Variants in MAP3K20 observed in about 807,000 individuals in gnomAD.
The protein encoded by MAP3K20 is HCCS-4.
A neutral mutation model predicts 85.7 loss-of-function variants in MAP3K20; 40 were observed. The observed-to-expected ratio is 0.47, with a 90% CI of 0.36 to 0.61. MAP3K20 has a LOEUF of 0.61. MAP3K20 is among the 20% of genes least tolerant of loss of function. The pLI is 0.00. For synonymous variants in MAP3K20, 325 were observed against 327.7 expected, an observed-to-expected ratio of 0.99 and a Z score of 0.09; for missense variants, 817 against 961.7, an observed-to-expected ratio of 0.85 and a Z score of 1.99.
At chr2:173,138,216 G>T (rs150060879) in intron 2 of MAP3K20, among the ~76,000 whole-genome samples, 4,976 of 152,130 alleles carry the variant, frequency 0.033, 115 homozygotes, top group Admixed American at 0.054. Flanking sequence ...TGTTTCGCCC[G>T]CCTCGGCCTC....
At chr2:173,094,940 A>G (rs1394353267) in intron 2 of MAP3K20, among the ~76,000 whole-genome samples, 1 of 152,242 alleles carries the variant, frequency 6.6e-6, no homozygotes, top group Admixed American at 6.5e-5. Context: ...AACATTTACT[A>G]ATGTTTTTAG....
Position 173,179,755 on chromosome 2 carries a change from TAACA to T in MAP3K20, c.248-3094_248-3091del, listed in dbSNP as rs1690272045. On this transcript the variant is annotated intron_variant, in intron 3 of 19. Coordinates refer to ENST00000375213, the MANE Select transcript of MAP3K20 (RefSeq NM_016653.3). ...ACACACACACAAAAGCTACTAAAAC[TAACA>T]AACATGTTTAGAAGGGTCACAGGAT... Among the ~76,000 whole-genome samples, 5 of 146,914 alleles carry T rather than the reference TAACA, an allele frequency of 3.4e-5. No homozygotes were observed. The South Asian group carries it at 8.5e-4, about 25-fold the overall frequency.
At chr2:173,085,748 T>G (rs1167287458) in intron 1 of MAP3K20, among the ~76,000 whole-genome samples, 3 of 151,056 alleles carry the variant, frequency 2.0e-5, no homozygotes, top group Non-Finnish European at 4.4e-5. Context: ...TGAGCATTGT[T>G]GCGTGGAGCA....
chr2:173,229,932 A>T (rs1684483336), intron 12 of MAP3K20, among the ~76,000 whole-genome samples, 199 bp downstream of exon 12: 1 of 152,154 alleles, frequency 6.6e-6, no homozygotes, highest in Non-Finnish European at 1.5e-5. Flanking sequence ...CTGAGGTTCA[A>T]GCGATTCTCC....
At chr2:173,099,862 ACAT>A (rs1687584586) in intron 2 of MAP3K20, among the ~76,000 whole-genome samples, 1 of 152,234 alleles carries the variant, frequency 6.6e-6, no homozygotes, top group South Asian at 2.1e-4. Flanking sequence ...GATAGTACCC[ACAT>A]CATAAGAGTT....
At chr2:173,142,716 C>T (rs1291601814) in intron 2 of MAP3K20, among the ~76,000 whole-genome samples, 2 of 151,810 alleles carry the variant, frequency 1.3e-5, no homozygotes, top group Non-Finnish European at 2.9e-5. Context: ...AAAACAAAGA[C>T]AGGAAAGGAA....
At chr2:173,083,099 A>G (rs193143542) in intron 1 of MAP3K20, among the ~76,000 whole-genome samples, 21 of 152,346 alleles carry the variant, frequency 1.4e-4, no homozygotes, top group African/African-American at 3.8e-4. Context: ...CTAGAGAGTT[A>G]CATTACTTTT....
chr2:173,147,224 C>T (rs894271847), intron 2 of MAP3K20, among the ~76,000 whole-genome samples: 2 of 152,166 alleles, frequency 1.3e-5, no homozygotes, highest in Admixed American at 1.3e-4. Context: ...TTCAGTTTAA[C>T]TTTCGTTGCT....
chr2:173,115,777 C>T (rs1310551261), intron 2 of MAP3K20, among the ~76,000 whole-genome samples: 2 of 152,080 alleles, frequency 1.3e-5, no homozygotes, highest in African/African-American at 4.8e-5. Flanking sequence ...GCCTATAGGT[C>T]TCTCAGCTGT....
Position 173,258,679 on chromosome 2 carries a change from A to G in MAP3K20, c.1360-20A>G. ...ATTGTTTCACTTTCTCAAATTCTGT[A>G]ATTTTGTTTTTAATTCCAGGATTGT... On this transcript the variant is annotated intron_variant, in intron 16 of 19. Coordinates refer to ENST00000375213, the MANE Select transcript of MAP3K20 (RefSeq NM_016653.3). 6.9e-7 allele frequency: 1 copy of G among 1,459,282 alleles called. No homozygotes were observed. 90.4% of individuals were successfully genotyped at this position (1,459,282 alleles called of 1,614,324 possible). A position where few individuals can be genotyped will look rare whatever the true frequency, so the allele number is the denominator to read the frequency against.
chr2:173,110,142 GTTATT>G (rs1048006101), intron 2 of MAP3K20, among the ~76,000 whole-genome samples: 2 of 120,604 alleles, frequency 1.7e-5, no homozygotes, highest in African/African-American at 6.3e-5. Flanking sequence ...AACAGAAACA[GTTATT>G]TTAATACAAC....
intron 9 of MAP3K20, among the ~76,000 whole-genome samples, chr2:173,205,319 T>G (rs1199482563): frequency 6.6e-6 from 1 of 152,088 alleles, no homozygotes; most frequent in Non-Finnish European, 1.5e-5. Flanking sequence ...ATGTAAACCC[T>G]GTTCCAATCT....
intron 2 of MAP3K20, among the ~76,000 whole-genome samples, chr2:173,160,567 C>T (rs1574067551): frequency 1.3e-5 from 2 of 152,154 alleles, no homozygotes; most frequent in Non-Finnish European, 2.9e-5. Context: ...AGATTGAAAA[C>T]TCTCCTTCGT....
At chr2:173,265,794 A>G (rs1050780523) in intron 19 of MAP3K20, among the ~76,000 whole-genome samples, 3 of 152,236 alleles carry the variant, frequency 2.0e-5, no homozygotes, top group African/African-American at 7.2e-5. Context: ...GATTACTGAG[A>G]GGATTAAATG....
intron 11 of MAP3K20, among the ~76,000 whole-genome samples, chr2:173,218,306 CA>C (rs375852316): frequency 4.6e-5 from 7 of 151,880 alleles, no homozygotes; most frequent in Admixed American, 2.6e-4. Flanking sequence ...ACCTGATATC[CA>C]AAAAAGGAAA....
chr2:173,216,548 A>C (rs1684078797), intron 10 of MAP3K20, among the ~76,000 whole-genome samples: 1 of 151,996 alleles, frequency 6.6e-6, no homozygotes. Context: ...TGTAAGTCTA[A>C]GGATCAGGCA....
intron 12 of MAP3K20, 92 bp downstream of exon 12, chr2:173,229,825 A>G (rs1250171323): frequency 5.0e-6 from 7 of 1,396,704 alleles, no homozygotes; most frequent in East Asian, 2.3e-5. Flanking sequence ...GGGCCTTAGG[A>G]AAGTCTAACT....
chr2:173,113,565 A>G (rs979505820), intron 2 of MAP3K20, among the ~76,000 whole-genome samples: 4 of 152,138 alleles, frequency 2.6e-5, no homozygotes, highest in Admixed American at 2.0e-4. Context: ...CCTTTGCTGT[A>G]TCCTAAAGGT....
At chr2:173,082,430 C>A (rs982077549) in intron 1 of MAP3K20, among the ~76,000 whole-genome samples, 1 of 152,158 alleles carries the variant, frequency 6.6e-6, no homozygotes. Flanking sequence ...TTGCATTCAC[C>A]CTTCTCAGGG....
Sources: gnomAD v4.1 joint callset for allele counts (sites outside exome capture counted in the v4.1 genomes callset) on GRCh38, gnomAD v4.1.1 for gene constraint, MANE v1.5 for transcripts, NCBI Gene and HGNC (gene_info 2026-07-23, HGNC 2026-07-21) for gene names.